P2RY12: variants seen among roughly 807,000 people sequenced by gnomAD.
P2RY12 encodes the protein purinergic receptor P2Y12.
Under a neutral mutation model 4.5 loss-of-function variants are expected in P2RY12, and 3 were observed. The observed-to-expected ratio is 0.67, with a 90% confidence interval of 0.31 to 1.74. P2RY12 has a LOEUF of 1.74. Ranked by LOEUF, P2RY12 falls within the 40% of genes most tolerant of loss-of-function variation. The probability of loss-of-function intolerance (pLI) is 0.09; values close to 1 mark genes in which losing one functional copy is unlikely to be tolerated. For synonymous variants in P2RY12, 148 were observed against 154.1 expected (o/e 0.96, Z 0.29); for missense variants, 356 against 407.8 (o/e 0.87, Z 1.09).
rs750457069 is a variant in P2RY12, at chr3:151,377,008, C to T, written c.-180+7684G>A. 6.2e-6 allele frequency: 10 copies of T among 1,613,684 alleles called. No individual in the cohort carries two copies. The South Asian group carries it at 6.6e-5, about 11-fold the overall frequency. On this transcript the variant is annotated intron_variant, in intron 1 of 2. Coordinates refer to ENST00000302632, the MANE Select transcript of P2RY12 (RefSeq NM_022788.5). Reference sequence around the variant, plus strand: ...AACTCTAGGGCTCTGGTTCTGTGGCCGAAATGAACAACTTACTGGACAATA... The same window carrying T: ...AACTCTAGGGCTCTGGTTCTGTGGCTGAAATGAACAACTTACTGGACAATA...
At chr3:151,358,037 G>T in intron 1 of P2RY12, among the ~76,000 whole-genome samples, 1 of 152,186 alleles carries the variant, frequency 6.6e-6, no homozygotes, top group East Asian at 1.9e-4. Flanking sequence ...AAGACAACCT[G>T]TTATTTCTTT....
intron 1 of P2RY12, among the ~76,000 whole-genome samples, chr3:151,347,087 A>C (rs932834403): frequency 1.3e-5 from 2 of 152,246 alleles, no homozygotes; most frequent in African/African-American, 4.8e-5. Flanking sequence ...CTAACTTCTT[A>C]GATACCTCTT....
At chr3:151,347,885 A>G (rs1452457132) in intron 1 of P2RY12, among the ~76,000 whole-genome samples, 1 of 152,184 alleles carries the variant, frequency 6.6e-6, no homozygotes, top group African/African-American at 2.4e-5. Context: ...GGACTTGGCA[A>G]GTGGCACAAC....
intron 1 of P2RY12, among the ~76,000 whole-genome samples, chr3:151,348,660 T>C (rs1381172665): frequency 6.6e-6 from 1 of 151,844 alleles, no homozygotes; most frequent in Admixed American, 6.6e-5. Context: ...GCAGGGCATA[T>C]AAATGTTTAT....
At chr3:151,345,158 C>T (rs547981717) in intron 1 of P2RY12, among the ~76,000 whole-genome samples, 2 of 152,128 alleles carry the variant, frequency 1.3e-5, no homozygotes, top group Admixed American at 6.5e-5. Flanking sequence ...ATCTAAAGGA[C>T]GAGATTTTTA....
chr3:151,366,662 T>A (rs987153396), intron 1 of P2RY12, among the ~76,000 whole-genome samples: 2 of 152,160 alleles, frequency 1.3e-5, no homozygotes, highest in African/African-American at 2.4e-5. Context: ...CATAGTTCTT[T>A]ATACATCTTT....
At chr3:151,357,120 A>AATG in intron 1 of P2RY12, 1 of 1,052,768 alleles carries the variant, frequency 9.5e-7, no homozygotes, top group Non-Finnish European at 1.3e-6. Context: ...TTTGTAGTGT[A>AATG]ATGACTCAGT....
chr3:151,375,175 C>T (rs1358568193), intron 1 of P2RY12, among the ~76,000 whole-genome samples: 2 of 152,122 alleles, frequency 1.3e-5, no homozygotes, highest in Non-Finnish European at 2.9e-5. Flanking sequence ...TGGGTGCCAC[C>T]ACCTGAGTTT....
chr3:151,383,154 GAGA>G (rs1712705483), intron 1 of P2RY12, among the ~76,000 whole-genome samples: 1 of 152,208 alleles, frequency 6.6e-6, no homozygotes. Flanking sequence ...AAATCCCACA[GAGA>G]AGTTTTATAG....
intron 1 of P2RY12, chr3:151,384,115 G>T (rs767904421): frequency 5.0e-6 from 8 of 1,613,778 alleles, no homozygotes; most frequent in Non-Finnish European, 6.8e-6. Context: ...GACATGCTGG[G>T]TGTTTTAATC....
chr3:151,360,651 G>T, intron 1 of P2RY12: 1 of 1,532,932 alleles, frequency 6.5e-7, no homozygotes, highest in East Asian at 2.3e-5. Context: ...TCATGCCTAT[G>T]TTTGTTAGTG....
At chr3:151,363,092 C>G (rs1754817717) in intron 1 of P2RY12, among the ~76,000 whole-genome samples, 1 of 151,930 alleles carries the variant, frequency 6.6e-6, no homozygotes, top group African/African-American at 2.4e-5. Flanking sequence ...GTAACATGCG[C>G]TGGGCGTGGG....
chr3:151,368,699 C>CATTTT, intron 1 of P2RY12, among the ~76,000 whole-genome samples: 1 of 39,448 alleles, frequency 2.5e-5, no homozygotes, highest in East Asian at 7.3e-4. Flanking sequence ...TATTTCATTT[C>CATTTT]ATTTCATTTC....
chr3:151,339,271 A>G (rs1751468528), intron 2 of P2RY12, among the ~76,000 whole-genome samples: 1 of 151,980 alleles, frequency 6.6e-6, no homozygotes, highest in African/African-American at 2.4e-5. Context: ...TTTTCCCCCC[A>G]ACGTCCTTAT....
At chr3:151,357,492 T>G in intron 1 of P2RY12, 2 of 892,310 alleles carry the variant, frequency 2.2e-6, no homozygotes, top group Non-Finnish European at 3.2e-6. Flanking sequence ...AGTTAAAACA[T>G]GGTTAAAGAA....
intron 1 of P2RY12, among the ~76,000 whole-genome samples, chr3:151,377,767 A>G (rs963461885): frequency 1.3e-5 from 2 of 152,238 alleles, no homozygotes; most frequent in African/African-American, 2.4e-5. Flanking sequence ...GGAAAACATT[A>G]AAGTCAGTTT....
intron 1 of P2RY12, among the ~76,000 whole-genome samples, chr3:151,358,511 T>A (rs1158707932): frequency 6.6e-6 from 1 of 152,148 alleles, no homozygotes; most frequent in Non-Finnish European, 1.5e-5. Flanking sequence ...TAAAATAGTA[T>A]ATTGAAACCC....
At chr3:151,368,647 T>G (rs375755556) in intron 1 of P2RY12, among the ~76,000 whole-genome samples, 10 of 64,416 alleles carry the variant, frequency 1.6e-4, no homozygotes, top group South Asian at 6.5e-4. Flanking sequence ...TTCATTTCAT[T>G]TCATTTCATT....
At chr3:151,346,620 C>G (rs1263406447) in intron 1 of P2RY12, among the ~76,000 whole-genome samples, 2 of 152,148 alleles carry the variant, frequency 1.3e-5, no homozygotes, top group Non-Finnish European at 2.9e-5. Context: ...TATCCCCTCC[C>G]CTGACTTGTG....
Sources: allele counts gnomAD v4.1 joint callset (sites outside exome capture counted in the v4.1 genomes callset), GRCh38; gene constraint gnomAD v4.1.1; transcripts MANE v1.5; gene names NCBI Gene and HGNC (gene_info 2026-07-23, HGNC 2026-07-21).